The following PCDHGA5 variants were observed in gnomAD, a reference collection of about 807,000 sequenced individuals.
PCDHGA5 encodes protocadherin gamma subfamily A, 5, also known as protocadherin gamma-A5.
Under a neutral mutation model 56.7 loss-of-function variants are expected in PCDHGA5, and 36 were observed. That is an observed-to-expected ratio of 0.64 (90% CI 0.49 to 0.84). The LOEUF is 0.84. Ranked by LOEUF, PCDHGA5 falls within the 40% of genes least tolerant of loss-of-function variation. The pLI is 0.00. For synonymous variants in PCDHGA5, 563 were observed against 520.2 expected (o/e 1.08, Z -1.12); for missense variants, 1,305 against 1,201.5 (o/e 1.09, Z -1.27).
chr5:141,436,635 A>G (rs953396225), intron 1 of PCDHGA5, among the ~76,000 whole-genome samples: 8 of 152,184 alleles, frequency 5.3e-5, no homozygotes, highest in African/African-American at 1.9e-4. Context: ...ACAACATGCA[A>G]TTAATTAACA....
chr5:141,389,171 C>G (rs772221999), intron 1 of PCDHGA5: 11 of 1,613,892 alleles, frequency 6.8e-6, no homozygotes, highest in Admixed American at 3.3e-5. Context: ...GCAAGCCTCC[C>G]CTCTCCTCCA....
rs138408376 is a variant in PCDHGA5 at position 141,421,859 on chromosome 5, T to C, written c.2421+55108T>C. The stretch of plus-strand genomic sequence containing the variant: ...CGAGAGAAAGAGGCTGCTCACCTGC[T>C]CCTCCTCACAGCTTTAGATGGAGGC... On this transcript the variant is annotated intron_variant, in intron 1 of 3. Coordinates refer to ENST00000518069, the MANE Select transcript of PCDHGA5 (RefSeq NM_018918.3). The C allele has an allele frequency of 1.7e-3, 2,741 of 1,613,710 alleles. 8 individuals carry two copies. Among genetic ancestry groups the C allele is most frequent in the Middle Eastern group, 8.1e-3 (49 of 6,062 alleles).
At chr5:141,387,036 C>G (rs1026680473) in intron 1 of PCDHGA5, among the ~76,000 whole-genome samples, 1 of 152,116 alleles carries the variant, frequency 6.6e-6, no homozygotes, top group Non-Finnish European at 1.5e-5. Flanking sequence ...ATTTCATAAC[C>G]AGTAAAATAA....
chr5:141,478,489 C>T (rs779457709), intron 1 of PCDHGA5: 99 of 1,613,162 alleles, frequency 6.1e-5, no homozygotes, highest in Non-Finnish European at 8.1e-5. Context: ...CGCTGCGGAG[C>T]TGTGATCCGG....
At chr5:141,404,819 A>G in intron 1 of PCDHGA5, 1 of 1,608,430 alleles carries the variant, frequency 6.2e-7, no homozygotes, top group South Asian at 1.1e-5. Flanking sequence ...GGGGCTGCAC[A>G]CAGGTGAAGT....
At chr5:141,388,935 C>T (rs1215680251) in intron 1 of PCDHGA5, 2 of 1,613,984 alleles carry the variant, frequency 1.2e-6, no homozygotes, top group South Asian at 1.1e-5. Flanking sequence ...CCAGTCTCTA[C>T]CCAACCTAAT....
At position 141,511,260 on chromosome 5, in the gene PCDHGA5, G is replaced by A; in HGVS notation, c.*87G>A. 6.4e-7 allele frequency: 1 copy of A among 1,558,596 alleles called. No individual in the cohort carries two copies. Among genetic ancestry groups the A allele is most frequent in the Non-Finnish European group, 8.7e-7 (1 of 1,151,758 alleles). On this transcript the variant is annotated 3_prime_UTR_variant, in exon 4 of 4. Transcript: ENST00000518069. ...CCTGCACCCAGGCCTCAGAGTTTCA[G>A]GGCTAACCCCCAGAATACTGGTAGG...
chr5:141,483,255 GTTTT>G (rs147039946), intron 1 of PCDHGA5, among the ~76,000 whole-genome samples: 7,425 of 152,114 alleles, frequency 0.049, 355 homozygotes, highest in African/African-American at 0.13. Context: ...ATATCATGAG[GTTTT>G]TTTGTTTTAG....
intron 1 of PCDHGA5, chr5:141,398,032 C>A: frequency 6.8e-7 from 1 of 1,469,940 alleles, no homozygotes; most frequent in South Asian, 1.4e-5. Flanking sequence ...GGAACTGGAA[C>A]TAAAGCCCGT....
rs761173450 is a variant in PCDHGA5, at chr5:141,366,064, G to C, written c.1734G>C (p.Ala578=). 2 of 1,614,106 alleles carry C rather than the reference G, an allele frequency of 1.2e-6. No homozygotes were observed. Among genetic ancestry groups the C allele is most frequent in the Non-Finnish European group, 1.7e-6 (2 of 1,180,052 alleles). ...PTDGSTGVEL[A]PRSAEPGYLV... is the part of the protein sequence containing the mutation. ...ACGGTTCCACGGGCGTGGAGCTGGC[G>C]CCTCGCTCCGCAGAACCTGGCTACC... The change falls in exon 1 of 4, where the codon GCG becomes GCC. Residue 578 remains alanine (A), a synonymous_variant. Coordinates refer to ENST00000518069, the MANE Select transcript of PCDHGA5 (RefSeq NM_018918.3).
rs747734622 is a variant in PCDHGA5 at position 141,366,457 on chromosome 5, C to A, written c.2127C>A (p.Ile709=). 11 of 1,614,106 alleles carry A rather than the reference C, an allele frequency of 6.8e-6. No homozygotes were observed. The highest frequency in any genetic ancestry group is 6.8e-6 in the Non-Finnish European group (8 of 1,180,050). The stretch of plus-strand genomic sequence containing the variant: ...CCTGCGTCTTCCTGGCCTTCGTCAT[C>A]GTGCTGCTGGTGCTCAGACTGAGGC... ...AVSCVFLAFV[I]VLLVLRLRRW... The change falls in exon 1 of 4, where the codon ATC becomes ATA. Residue 709 remains isoleucine, a synonymous_variant. Coordinates refer to ENST00000518069, the MANE Select transcript of PCDHGA5 (RefSeq NM_018918.3).
chr5:141,477,817 C>G lies in PCDHGA5; in HGVS notation c.2422-16990C>G, dbSNP rs1593824080. 2 of 1,614,138 alleles carry G rather than the reference C, an allele frequency of 1.2e-6. No individual in the cohort carries two copies. The highest frequency in any genetic ancestry group is 8.5e-7 in the Non-Finnish European group (1 of 1,180,038). ...ATCGCAATGACAATGCCCCCCAGGT[C>G]CTATATCCTCGGCCAGGTGGGAGCT... is the stretch of plus-strand genomic sequence containing the variant. On this transcript the variant is annotated intron_variant, in intron 1 of 3. Coordinates refer to ENST00000518069, the MANE Select transcript of PCDHGA5 (RefSeq NM_018918.3). This position sits in a 1 kb window ranked among gnomAD's most constrained non-coding sequence, Gnocchi z 4.9.
intron 1 of PCDHGA5, chr5:141,371,686 C>G: frequency 6.2e-7 from 1 of 1,614,028 alleles, no homozygotes; most frequent in East Asian, 2.2e-5. Context: ...GGCAATCCAC[C>G]GCTCTCCTCC....
At chr5:141,403,153 C>T (rs2094362720) in intron 1 of PCDHGA5, 2 of 1,614,060 alleles carry the variant, frequency 1.2e-6, no homozygotes, top group Non-Finnish European at 1.7e-6. Flanking sequence ...TCCGCATCGT[C>T]TCTAGAGGTA....
At chr5:141,414,564 C>G in intron 1 of PCDHGA5, 1 of 1,613,948 alleles carries the variant, frequency 6.2e-7, no homozygotes, top group East Asian at 2.2e-5. Context: ...CCTACTTTAC[C>G]TATATCCCAG....
chr5:141,505,645 G>A (rs997169182), intron 3 of PCDHGA5, 164 bp downstream of exon 3: 2 of 964,274 alleles, frequency 2.1e-6, no homozygotes, highest in African/African-American at 1.8e-5. Flanking sequence ...GCCTGGAATT[G>A]TGGCTAAGGA....
intron 1 of PCDHGA5, among the ~76,000 whole-genome samples, chr5:141,479,878 A>G (rs1033313584): frequency 2.0e-5 from 3 of 152,170 alleles, no homozygotes; most frequent in African/African-American, 7.2e-5. Context: ...AGAACCCTAT[A>G]CATACTCTCA....
chr5:141,403,401 C>T (rs746777998), intron 1 of PCDHGA5: 1 of 1,614,052 alleles, frequency 6.2e-7, no homozygotes, highest in South Asian at 1.1e-5. Context: ...GTTCCTGGAG[C>T]ACGTTATCCA....
intron 1 of PCDHGA5, chr5:141,383,710 G>A (rs1388027066): frequency 1.4e-5 from 22 of 1,613,874 alleles, no homozygotes; most frequent in Non-Finnish European, 1.9e-5. Flanking sequence ...CGACCTGGAC[G>A]AGGGAGTCAA....
Sources: gnomAD v4.1 joint callset for allele counts (sites outside exome capture counted in the v4.1 genomes callset) on GRCh38, gnomAD v4.1.1 for gene constraint, Gnocchi (gnomAD v3.1) non-coding constraint, MANE v1.5 for transcripts, NCBI Gene and HGNC (gene_info 2026-07-23, HGNC 2026-07-21) for gene names.